The following NUP153 variants were observed in gnomAD, a reference collection of about 807,000 sequenced individuals.
The protein encoded by NUP153 is nucleoporin 153.
Under a neutral mutation model 134.6 loss-of-function variants are expected in NUP153, and 27 were observed. That is an observed-to-expected ratio of 0.20 (90% confidence interval 0.15 to 0.28). The LOEUF is 0.28. Among genes scored for constraint, NUP153 ranks in the 10% least tolerant of loss-of-function variants. The probability of loss-of-function intolerance (pLI) is 1.00; values close to 1 mark genes in which losing one functional copy is unlikely to be tolerated. For synonymous variants in NUP153, 640 were observed against 623.5 expected, an observed-to-expected ratio of 1.03 and a Z score of -0.40; for missense variants, 1,821 against 1,731.3, an observed-to-expected ratio of 1.05 and a Z score of -0.92.
intron 1 of NUP153, among the ~76,000 whole-genome samples, chr6:17,702,246 G>A (rs998561135): frequency 1.3e-5 from 2 of 152,176 alleles, no homozygotes; most frequent in Non-Finnish European, 1.5e-5. Context: ...GGTAGCTCAT[G>A]CCTGTAATAC....
chr6:17,685,669 C>T (rs1361357603), intron 2 of NUP153, among the ~76,000 whole-genome samples: 1 of 152,012 alleles, frequency 6.6e-6, no homozygotes, highest in Non-Finnish European at 1.5e-5. Context: ...ATGCATTACT[C>T]AGGAGTCTGC....
At chr6:17,661,295 CAG>C (rs2113815420) in intron 11 of NUP153, among the ~76,000 whole-genome samples, 1 of 152,228 alleles carries the variant, frequency 6.6e-6, no homozygotes, top group Non-Finnish European at 1.5e-5. Context: ...GCCTGAGCGA[CAG>C]AGCAAGACTG....
Position 17,675,067 on chromosome 6 carries a change from T to G in NUP153, c.724-34A>C. On this transcript the variant is annotated intron_variant, in intron 4 of 21. Transcript: ENST00000262077. This position sits in a 1 kb window ranked among gnomAD's most constrained non-coding sequence, Gnocchi z 4.4. The stretch of plus-strand genomic sequence containing the variant: ...AAACAGAATGATAAATTATAAGCCA[T>G]ATGAACCCAGGAGGTGGAGGTTGCA... The G allele has an allele frequency of 6.2e-7, 1 of 1,609,226 alleles. No homozygotes were observed. Among genetic ancestry groups the G allele is most frequent in the South Asian group, 1.1e-5 (1 of 90,602 alleles).
intron 5 of NUP153, among the ~76,000 whole-genome samples, chr6:17,670,754 T>A (rs1051424789): frequency 6.6e-6 from 1 of 152,208 alleles, no homozygotes; most frequent in East Asian, 1.9e-4. Flanking sequence ...TATGTATCTA[T>A]AGAGATGTTC....
At chr6:17,701,838 G>GGGGC (rs1554148704) in intron 1 of NUP153, among the ~76,000 whole-genome samples, 5 of 106,086 alleles carry the variant, frequency 4.7e-5, no homozygotes, top group Admixed American at 1.9e-4. Context: ...GTCTCGGGGG[G>GGGGC]GGGGGGAAAA....
intron 12 of NUP153, 112 bp downstream of exon 12, chr6:17,649,051 T>A: frequency 1.0e-6 from 1 of 974,454 alleles, no homozygotes; most frequent in Non-Finnish European, 1.5e-6. Flanking sequence ...CTGTTTACTA[T>A]GTTATTAATT....
At position 17,638,756 on chromosome 6, in the gene NUP153, AC is replaced by A. The variant is rs1362039739; in HGVS notation, c.1847-987del. ...GTTGGCATCATGAATGCAAAGTGTA[AC>A]CCCAGATACACAAGACAGACTATAC... On this transcript the variant is annotated intron_variant, in intron 15 of 21. Coordinates refer to ENST00000262077, the MANE Select transcript of NUP153 (RefSeq NM_005124.4). This position sits in a 1 kb window ranked among gnomAD's most constrained non-coding sequence, Gnocchi z 4.0. Among the ~76,000 whole-genome samples the A allele has an allele frequency of 1.3e-5, 2 of 152,192 alleles. No homozygotes were observed. The highest frequency in any genetic ancestry group is 2.9e-5 in the Non-Finnish European group (2 of 68,026).
At chr6:17,641,748 AG>A (rs1765853376) in intron 14 of NUP153, among the ~76,000 whole-genome samples, 1 of 152,002 alleles carries the variant, frequency 6.6e-6, no homozygotes, top group Non-Finnish European at 1.5e-5. Context: ...CCAGCTGCTC[AG>A]GAGGCTGAGG....
At chr6:17,704,474 C>T (rs1770342348) in intron 1 of NUP153, among the ~76,000 whole-genome samples, 1 of 152,132 alleles carries the variant, frequency 6.6e-6, no homozygotes, top group African/African-American at 2.4e-5. Context: ...TGTGTAACTT[C>T]CATTCTACAG....
At chr6:17,705,622 C>CG (rs1025166110) in intron 1 of NUP153, among the ~76,000 whole-genome samples, 12 of 150,452 alleles carry the variant, frequency 8.0e-5, no homozygotes, top group Non-Finnish European at 1.6e-4. Context: ...AGAGAAAAGA[C>CG]GTAAGGGTGG....
At chr6:17,637,808 G>A in intron 15 of NUP153, 38 bp from the exon 16 acceptor site, 1 of 1,543,266 alleles carries the variant, frequency 6.5e-7, no homozygotes, top group Non-Finnish European at 8.7e-7. Context: ...CGTTAGAGAA[G>A]CTTTATAAAT....
intron 9 of NUP153, among the ~76,000 whole-genome samples, chr6:17,664,458 T>C (rs1329357841): frequency 6.6e-6 from 1 of 152,164 alleles, no homozygotes; most frequent in African/African-American, 2.4e-5. Flanking sequence ...AAAAGCAGTA[T>C]CTGAACCTTG....
intron 1 of NUP153, among the ~76,000 whole-genome samples, chr6:17,698,225 G>C (rs35374838): frequency 6.6e-6 from 1 of 152,130 alleles, no homozygotes; most frequent in Non-Finnish European, 1.5e-5. Context: ...GGTAAACTTC[G>C]CTGCTGAATG....
intron 11 of NUP153, among the ~76,000 whole-genome samples, chr6:17,659,213 G>A (rs75721030): frequency 0.028 from 4,288 of 152,274 alleles, 110 homozygotes; most frequent in African/African-American, 0.069. Flanking sequence ...AAACACTTCC[G>A]CAACAGCGGG....
Position 17,632,594 on chromosome 6 carries a change from T to C in NUP153, c.2659+56A>G. 3.0e-6 allele frequency: 4 copies of C among 1,320,404 alleles called. No individual in the cohort carries two copies. The East Asian group carries it at 9.3e-5, about 31-fold the overall frequency. 81.8% of individuals were successfully genotyped at this position (1,320,404 alleles called of 1,614,324 possible). On this transcript the variant is annotated intron_variant, in intron 17 of 21. Coordinates refer to ENST00000262077, the MANE Select transcript of NUP153 (RefSeq NM_005124.4). Reference sequence around the variant, plus strand: ...TGTTCTCAAATACTTCATTTTTAAATGGCCTTACAAAAAGGCGCTTTACCA... The same window carrying C: ...TGTTCTCAAATACTTCATTTTTAAACGGCCTTACAAAAAGGCGCTTTACCA...
At chr6:17,704,724 A>T (rs1770361321) in intron 1 of NUP153, among the ~76,000 whole-genome samples, 1 of 120,384 alleles carries the variant, frequency 8.3e-6, no homozygotes, top group African/African-American at 3.0e-5. Flanking sequence ...TAAGAAAACT[A>T]GAAGACAAAA....
At chr6:17,677,122 G>C (rs2113836287) in intron 2 of NUP153, among the ~76,000 whole-genome samples, 1 of 152,262 alleles carries the variant, frequency 6.6e-6, no homozygotes, top group South Asian at 2.1e-4. Context: ...ACCTACTACA[G>C]ATCTCTCCTA....
At position 17,649,285 on chromosome 6, in the gene NUP153, C is replaced by G. The variant is rs779121825; in HGVS notation, c.1411G>C (p.Val471Leu). The stretch of plus-strand genomic sequence containing the variant: ...ATCGGTAGAGAGATTTTCGGTAATA[C>G]TGGAACTTCCATTTCCTAAAACATA... ...PLEEEEMEVP[V>L]LPKISLPITS... Residue 471 changes from valine to leucine, a missense_variant, in exon 12 of 22, where the codon GTA (valine) becomes CTA (leucine). Val to Leu is a conservative substitution (Grantham distance 32). Transcript: ENST00000262077. 1 of 1,610,936 alleles carries G rather than the reference C, an allele frequency of 6.2e-7. No homozygotes were observed. Among genetic ancestry groups the G allele is most frequent in the Non-Finnish European group, 8.5e-7 (1 of 1,179,224 alleles).
chr6:17,665,641 A>C (rs1004985211), intron 8 of NUP153, among the ~76,000 whole-genome samples: 1 of 152,136 alleles, frequency 6.6e-6, no homozygotes, highest in Non-Finnish European at 1.5e-5. Flanking sequence ...TTCCAGACTT[A>C]ATGACTTTTC....
Sources: gnomAD v4.1 joint callset for allele counts (sites outside exome capture counted in the v4.1 genomes callset) on GRCh38, gnomAD v4.1.1 for gene constraint, Gnocchi (gnomAD v3.1) non-coding constraint, MANE v1.5 for transcripts, NCBI Gene and HGNC (gene_info 2026-07-23, HGNC 2026-07-21) for gene names.